Variants in DDX52 observed in about 807,000 individuals in gnomAD.
DDX52 encodes DExD-box helicase 52, also known as probable ATP-dependent RNA helicase DDX52.
Under a neutral mutation model 76.1 loss-of-function variants are expected in DDX52, and 59 were observed. The ratio of observed to expected loss-of-function variants is 0.78; its 90% CI spans 0.63 to 0.96. DDX52 has a LOEUF of 0.96. DDX52 is among the 40% of genes least tolerant of loss of function. The pLI, the probability that DDX52 is intolerant of heterozygous loss-of-function variation, is 0.00. For missense variants in DDX52, 707 were observed against 703.9 expected, an observed-to-expected ratio of 1.00 and a Z score of -0.05; for synonymous variants, 231 against 244.1, an observed-to-expected ratio of 0.95 and a Z score of 0.50.
intron 9 of DDX52, among the ~76,000 whole-genome samples, chr17:37,623,497 TTTTC>T (rs1422433838): frequency 5.9e-5 from 9 of 152,172 alleles, no homozygotes; most frequent in African/African-American, 7.2e-5. Flanking sequence ...TCCCACCTGG[TTTTC>T]TTTAATTCCA....
At position 37,626,796 on chromosome 17, in the gene DDX52, G is replaced by A. The variant is rs769172697; in HGVS notation, c.924C>T (p.Asp308=). 1 of 1,611,474 alleles carries A rather than the reference G, an allele frequency of 6.2e-7. No homozygotes were observed. The highest frequency in any genetic ancestry group is 8.5e-7 in the Non-Finnish European group (1 of 1,178,974). ...GAAAATATCATCTATACCTTGCTAG[G>A]TCGATTCCGGGGGGATCTTGCTTTA... is the stretch of plus-strand genomic sequence containing the variant. ...YLLKQDPPGI[D]LASVEWLVVD... Residue 308 remains aspartate, a synonymous_variant, in exon 7 of 15, where the codon GAC becomes GAT. Coordinates refer to ENST00000617633, the MANE Select transcript of DDX52 (RefSeq NM_007010.5).
In DDX52 at chr17:37,630,037, G is replaced by T. The variant is rs532153524; in HGVS notation, c.740C>A (p.Ala247Asp). ...ALIISPTREL[A>D]SQIHRELIKI... ...AAAAGCTACAAGTCATACCTGGCTG[G>T]CAAGTTCTCGTGTTGGTGATATAAT... The change falls in exon 5 of 15, where the codon GCC (alanine) becomes GAC (aspartate). Residue 247 changes from alanine (A) to aspartate (D), a missense_variant. By Grantham distance (126) the Ala-to-Asp change is moderately radical (BLOSUM62 -2). Coordinates refer to ENST00000617633, the MANE Select transcript of DDX52 (RefSeq NM_007010.5). The T allele has an allele frequency of 6.2e-7, 1 of 1,609,302 alleles. No homozygotes were observed. The highest frequency in any genetic ancestry group is 1.1e-5 in the South Asian group (1 of 90,022).
chr17:37,620,052 T>C (rs891051666), intron 12 of DDX52: 2 of 460,670 alleles, frequency 4.3e-6, no homozygotes, highest in African/African-American at 2.0e-5. Context: ...TGAATAACTA[T>C]AGATAGCAGC....
At chr17:37,614,475 T>C (rs968853556) in intron 14 of DDX52, 122 bp from the exon 15 acceptor site, 29 of 915,176 alleles carry the variant, frequency 3.2e-5, no homozygotes, top group Middle Eastern at 2.6e-4. Context: ...AATGAGGCAC[T>C]AGGAACACAA....
Position 37,620,920 on chromosome 17 carries a change from T to C in DDX52, c.1530A>G (p.Gly510=). 1 of 1,595,364 alleles carries C rather than the reference T, an allele frequency of 6.3e-7. No homozygotes were observed. Among genetic ancestry groups the C allele is most frequent in the East Asian group, 2.2e-5 (1 of 44,690 alleles). ...IGRTGRAGNK[G]KAITFFTEDD... ...CCTCAGTGAAAAATGTAATTGCTTT[T>C]CCCTTATTCCCTGCTCTTCCAGTTC... Residue 510 remains glycine (G), a synonymous_variant, in exon 12 of 15, where the codon GGA becomes GGG. Transcript: ENST00000617633.
At chr17:37,618,223 A>G in intron 14 of DDX52, 69 bp downstream of exon 14, 1 of 1,241,070 alleles carries the variant, frequency 8.1e-7, no homozygotes, top group Non-Finnish European at 1.1e-6. Context: ...AAATTTACCT[A>G]AGGAAAAATA....
At chr17:37,616,419 G>A (rs937741491) in intron 14 of DDX52, among the ~76,000 whole-genome samples, 3 of 152,164 alleles carry the variant, frequency 2.0e-5, no homozygotes, top group African/African-American at 7.2e-5. Context: ...GCCGAGGTGG[G>A]AGATCACATG....
In DDX52 at chr17:37,632,219, A is replaced by G. The variant is rs779787208; in HGVS notation, c.497T>C (p.Leu166Pro). ...LPDPIATFQQ[L>P]DQEYKINSRL... is the part of the protein sequence containing the mutation. Reference sequence around the variant, plus strand: ...AGAATTGATTTTATATTCCTGGTCAAGTTGCTGAAATGTAGCAATTGGGTC... The same window carrying G: ...AGAATTGATTTTATATTCCTGGTCAGGTTGCTGAAATGTAGCAATTGGGTC... The change falls in exon 4 of 15, where the codon CTT becomes CCT. Residue 166 changes from leucine (L) to proline (P), a missense_variant. Coordinates refer to ENST00000617633, the MANE Select transcript of DDX52 (RefSeq NM_007010.5). 9.3e-6 allele frequency: 15 copies of G among 1,614,062 alleles called. No individual in the cohort carries two copies. Among genetic ancestry groups the G allele is most frequent in the Non-Finnish European group, 1.3e-5 (15 of 1,180,008 alleles).
At chr17:37,637,017 T>C (rs2030961155) in intron 2 of DDX52, among the ~76,000 whole-genome samples, 1 of 152,102 alleles carries the variant, frequency 6.6e-6, no homozygotes, top group Non-Finnish European at 1.5e-5. Context: ...CAGGCTAGAG[T>C]ATACAGGCAT....
chr17:37,636,915 ACAAGC>A (rs2030955146), intron 2 of DDX52, among the ~76,000 whole-genome samples: 1 of 152,260 alleles, frequency 6.6e-6, no homozygotes, highest in African/African-American at 2.4e-5. Flanking sequence ...ATAACCAATT[ACAAGC>A]TCATGCTTGT....
rs2064396268 is a variant in DDX52, at chr17:37,613,994, A to G, written c.*302T>C. 1 of 295,666 alleles carries G rather than the reference A, an allele frequency of 3.4e-6. No individual in the cohort carries two copies. The highest frequency in any genetic ancestry group is 1.0e-4 in the South Asian group (1 of 9,852). 18.3% of individuals were successfully genotyped at this position (295,666 alleles called of 1,614,324 possible). A position where few individuals can be genotyped will look rare whatever the true frequency, so the allele number is the denominator to read the frequency against. ...AGTCACCTACAGAGCTGGGTGCAGC[A>G]GCTTGTGCCTGTAATCTCAGTTACT... On this transcript the variant is annotated 3_prime_UTR_variant, in exon 15 of 15. Transcript: ENST00000617633.
chr17:37,626,091 A>C lies in DDX52; in HGVS notation c.940T>G (p.Trp314Gly), dbSNP rs770670029. The C allele has an allele frequency of 1.2e-6, 2 of 1,614,090 alleles. No individual in the cohort carries two copies. The highest frequency in any genetic ancestry group is 1.7e-6 in the Non-Finnish European group (2 of 1,179,994). ...PPGIDLASVE[W>G]LVVDESDKLF... ...TTATCTGATTCGTCTACTACAAGCC[A>C]CTCAACACTAAGAAATAACAAAACA... The change falls in exon 8 of 15, where the codon TGG becomes GGG. Residue 314 changes from tryptophan (W) to glycine (G), a missense_variant. Trp to Gly is a radical substitution (Grantham distance 184). Coordinates refer to ENST00000617633, the MANE Select transcript of DDX52 (RefSeq NM_007010.5).
rs746058902 is a variant in DDX52 at position 37,643,346 on chromosome 17, T to C, written c.75A>G (p.Ala25=). 1 of 1,613,874 alleles carries C rather than the reference T, an allele frequency of 6.2e-7. No homozygotes were observed. Among genetic ancestry groups the C allele is most frequent in the Non-Finnish European group, 8.5e-7 (1 of 1,179,824 alleles). ...KFDTRRFSAD[A]ARFQIGKRKY... is the part of the protein sequence containing the mutation. ...TTGGGCACAGTACCTGGAATCGAGC[T>C]GCGTCTGCCGAGAAGCGTCTCGTGT... The change falls in exon 1 of 15, where the codon GCA becomes GCG. Residue 25 remains alanine, a synonymous_variant. Transcript: ENST00000617633.
At chr17:37,632,693 T>G (rs1304224141) in intron 3 of DDX52, among the ~76,000 whole-genome samples, 1 of 152,178 alleles carries the variant, frequency 6.6e-6, no homozygotes, top group Non-Finnish European at 1.5e-5. Context: ...TAGTGTTGAT[T>G]TGGTTTGTTT....
chr17:37,621,519 C>G lies in DDX52; in HGVS notation c.1229G>C (p.Gly410Ala), dbSNP rs2030094209. The G allele has an allele frequency of 6.2e-7, 1 of 1,601,256 alleles. No individual in the cohort carries two copies. Residue 410 changes from glycine (G) to alanine (A), a missense_variant and splice_region_variant, in exon 10 of 15, where the codon GGT (glycine) becomes GCT (alanine). Gly to Ala is a moderately conservative substitution (Grantham distance 60, BLOSUM62 0). Coordinates refer to ENST00000617633, the MANE Select transcript of DDX52 (RefSeq NM_007010.5). ...LLAVRELVKK[G>A]FNPPVLVFVQ... ...AAAAACAAGAACAGGTGGATTGAAA[C>G]CCTAAAAGAAGACAAAAATTGGCAT...
chr17:37,633,255 T>C (rs1255124060), intron 3 of DDX52, 33 bp downstream of exon 3: 18 of 1,580,388 alleles, frequency 1.1e-5, no homozygotes, highest in Non-Finnish European at 1.5e-5. Context: ...TCAGAAAATA[T>C]ATATACTTTT....
intron 7 of DDX52, 71 bp downstream of exon 7, chr17:37,626,717 A>G (rs2030393472): frequency 6.8e-7 from 1 of 1,472,520 alleles, no homozygotes. Context: ...AAAAAATACA[A>G]GCAATAGAGG....
chr17:37,610,146 CAGGGTCT>C lies in DDX52; in HGVS notation c.*4143_*4149del, dbSNP rs2064287348. 1 of 148,434 alleles carries C rather than the reference CAGGGTCT, an allele frequency of 6.7e-6. No homozygotes were observed. The highest frequency in any genetic ancestry group is 2.5e-5 in the African/African-American group (1 of 39,884). The allele number at this position is 148,434 out of a possible 1,614,324, so 9.2% of individuals were successfully genotyped here. A position where few individuals can be genotyped will look rare whatever the true frequency, so the allele number is the denominator to read the frequency against. On this transcript the variant is annotated 3_prime_UTR_variant, in exon 15 of 15. Transcript: ENST00000617633. ...TTACTGATTTTTTTTTTTTTTGAGA[CAGGGTCT>C]TGCTCTGTTGTCCAGGCTGGAGTGC...
At chr17:37,633,664 A>G (rs1436126418) in intron 2 of DDX52, among the ~76,000 whole-genome samples, 1 of 151,658 alleles carries the variant, frequency 6.6e-6, no homozygotes, top group African/African-American at 2.4e-5. Context: ...TCAAAAAAAA[A>G]AAAAAAGAAA....
Sources: gnomAD v4.1 joint callset for allele counts (sites outside exome capture counted in the v4.1 genomes callset) on GRCh38, gnomAD v4.1.1 for gene constraint, MANE v1.5 for transcripts, NCBI Gene and HGNC (gene_info 2026-07-23, HGNC 2026-07-21) for gene names.